GUCY1A2: variants seen among roughly 807,000 people sequenced by gnomAD.
The protein encoded by GUCY1A2 is guanylate cyclase 1 soluble subunit alpha 2, also known as guanylate cyclase soluble subunit alpha-2.
A neutral mutation model predicts 63.5 loss-of-function variants in GUCY1A2; 27 were observed. The observed-to-expected ratio is 0.43, with a 90% CI of 0.31 to 0.59. The LOEUF (loss-of-function observed/expected upper bound fraction) is 0.59. GUCY1A2 is among the 20% of genes least tolerant of loss of function. GUCY1A2 has a pLI of 0.11. For missense variants in GUCY1A2, 768 were observed against 913.3 expected (o/e 0.84, Z 2.05); for synonymous variants, 364 against 343.5 (o/e 1.06, Z -0.66).
intron 4 of GUCY1A2, among the ~76,000 whole-genome samples, chr11:106,838,259 A>C (rs1490982625): frequency 6.6e-6 from 1 of 151,982 alleles, no homozygotes; most frequent in East Asian, 1.9e-4. Flanking sequence ...TTCTAAACTG[A>C]AAGCTTTTTC....
chr11:106,761,378 A>G (rs1241372141), intron 6 of GUCY1A2, among the ~76,000 whole-genome samples: 1 of 152,192 alleles, frequency 6.6e-6, no homozygotes, highest in Non-Finnish European at 1.5e-5. Context: ...CTAAACCACA[A>G]GAAAAGAAGG....
chr11:106,719,231 C>T (rs1863271065), intron 6 of GUCY1A2, among the ~76,000 whole-genome samples: 1 of 152,172 alleles, frequency 6.6e-6, no homozygotes, highest in South Asian at 2.1e-4. Flanking sequence ...TATCAATTCA[C>T]TCAGTTAATA....
chr11:106,827,857 T>A (rs757273558), intron 4 of GUCY1A2: 120 of 1,598,850 alleles, frequency 7.5e-5, no homozygotes, highest in Non-Finnish European at 1.0e-4. Context: ...ACCATGAACT[T>A]CCCTGCAGTC....
At chr11:106,838,572 T>G (rs1260801771) in intron 4 of GUCY1A2, among the ~76,000 whole-genome samples, 4 of 151,940 alleles carry the variant, frequency 2.6e-5, no homozygotes, top group African/African-American at 9.7e-5. Context: ...ATTGGTGTAA[T>G]TTATCATAAA....
intron 4 of GUCY1A2, among the ~76,000 whole-genome samples, chr11:106,841,903 AT>A (rs1395095835): frequency 8.6e-5 from 13 of 151,826 alleles, no homozygotes; most frequent in African/African-American, 3.1e-4. Flanking sequence ...ACTATTTATC[AT>A]GTTAGATATT....
At chr11:106,716,848 T>C (rs181824343) in intron 6 of GUCY1A2, among the ~76,000 whole-genome samples, 1 of 150,960 alleles carries the variant, frequency 6.6e-6, no homozygotes, top group African/African-American at 2.4e-5. Flanking sequence ...GATCCTCTTT[T>C]CCCCCAGCTA....
At chr11:106,824,577 G>T (rs1858942467) in intron 4 of GUCY1A2, among the ~76,000 whole-genome samples, 1 of 152,032 alleles carries the variant, frequency 6.6e-6, no homozygotes, top group Non-Finnish European at 1.5e-5. Context: ...AAGTGCCATT[G>T]TGTCTAAGGA....
intron 3 of GUCY1A2, among the ~76,000 whole-genome samples, chr11:106,972,232 G>T (rs1861205101): frequency 6.6e-6 from 1 of 152,138 alleles, no homozygotes; most frequent in African/African-American, 2.4e-5. Flanking sequence ...TATCAATATT[G>T]TTTTATAAAT....
chr11:106,722,584 C>T (rs1863334918), intron 6 of GUCY1A2, among the ~76,000 whole-genome samples: 1 of 151,962 alleles, frequency 6.6e-6, no homozygotes, highest in Admixed American at 6.6e-5. Context: ...CTTGATTTAA[C>T]TGGGACTCTT....
intron 7 of GUCY1A2, among the ~76,000 whole-genome samples, chr11:106,700,267 C>T (rs987210539): frequency 1.3e-5 from 2 of 151,988 alleles, no homozygotes; most frequent in African/African-American, 4.8e-5. Context: ...CTGCAATGGC[C>T]TTAAATATGC....
intron 4 of GUCY1A2, among the ~76,000 whole-genome samples, chr11:106,888,485 T>A (rs530689355): frequency 3.4e-4 from 51 of 151,262 alleles, no homozygotes; most frequent in African/African-American, 1.2e-3. Context: ...GAAAAAAAAA[T>A]GATTTTGAAT....
chr11:106,936,588 A>T, intron 4 of GUCY1A2: 1 of 857,190 alleles, frequency 1.2e-6, no homozygotes, highest in Non-Finnish European at 1.8e-6. Context: ...GAGAAAATGT[A>T]GAGGAAACCA....
At chr11:106,744,937 A>G (rs1863760384) in intron 6 of GUCY1A2, among the ~76,000 whole-genome samples, 1 of 152,224 alleles carries the variant, frequency 6.6e-6, no homozygotes, top group Non-Finnish European at 1.5e-5. Flanking sequence ...AGGCTGCCTC[A>G]TCAAATATTT....
chr11:106,791,296 C>T (rs979604451), intron 5 of GUCY1A2, among the ~76,000 whole-genome samples: 1 of 152,348 alleles, frequency 6.6e-6, no homozygotes, highest in African/African-American at 2.4e-5. Context: ...TCACTGCAGT[C>T]TCCTTCTCTC....
chr11:106,863,924 G>C (rs1009518795), intron 4 of GUCY1A2, among the ~76,000 whole-genome samples: 1 of 152,042 alleles, frequency 6.6e-6, no homozygotes, highest in Non-Finnish European at 1.5e-5. Context: ...CTCATGATTT[G>C]GCTGTCTATT....
intron 6 of GUCY1A2, among the ~76,000 whole-genome samples, chr11:106,713,706 C>T (rs1863165537): frequency 1.3e-5 from 2 of 151,698 alleles, no homozygotes; most frequent in African/African-American, 4.8e-5. Flanking sequence ...CAGGGTTTTA[C>T]CGTGTTAGCC....
chr11:106,695,987 C>G (rs1862711883), intron 7 of GUCY1A2, among the ~76,000 whole-genome samples: 1 of 152,078 alleles, frequency 6.6e-6, no homozygotes, highest in Non-Finnish European at 1.5e-5. Context: ...CAGCGACACC[C>G]CTGCACATTT....
At chr11:106,797,431 C>G (rs1864786426) in intron 5 of GUCY1A2, among the ~76,000 whole-genome samples, 1 of 152,076 alleles carries the variant, frequency 6.6e-6, no homozygotes, top group African/African-American at 2.4e-5. Flanking sequence ...CCAAGTGGAC[C>G]TAATAGACAT....
chr11:106,802,344 A>G (rs1378280246), intron 5 of GUCY1A2, among the ~76,000 whole-genome samples: 1 of 152,204 alleles, frequency 6.6e-6, no homozygotes, highest in East Asian at 1.9e-4. Context: ...TTTACAGTTT[A>G]TTGATACACA....
Sources: allele counts gnomAD v4.1 joint callset (sites outside exome capture counted in the v4.1 genomes callset), GRCh38; gene constraint gnomAD v4.1.1; transcripts MANE v1.5; gene names NCBI Gene and HGNC (gene_info 2026-07-23, HGNC 2026-07-21).